PCDHGA7: variants seen among roughly 807,000 people sequenced by gnomAD.
PCDHGA7 encodes protocadherin gamma-A7.
In PCDHGA7, 44 loss-of-function variants were observed where a neutral mutation model predicts 58.3. The ratio of observed to expected loss-of-function variants is 0.75; its 90% CI spans 0.59 to 0.97. The LOEUF is 0.97. Ranked by LOEUF, PCDHGA7 falls within the 50% of genes least tolerant of loss-of-function variation. PCDHGA7 has a pLI of 0.00. For missense variants in PCDHGA7, 1,266 were observed against 1,188.7 expected, an observed-to-expected ratio of 1.06 and a Z score of -0.96; for synonymous variants, 516 against 504.2, an observed-to-expected ratio of 1.02 and a Z score of -0.31.
At chr5:141,459,137 G>C (rs1336232891) in intron 1 of PCDHGA7, among the ~76,000 whole-genome samples, 1 of 152,190 alleles carries the variant, frequency 6.6e-6, no homozygotes, top group Non-Finnish European at 1.5e-5. Context: ...TAACCACCAT[G>C]CAATCAAAAT....
intron 2 of PCDHGA7, among the ~76,000 whole-genome samples, chr5:141,503,100 G>A (rs563699751): frequency 6.6e-6 from 1 of 151,592 alleles, no homozygotes; most frequent in South Asian, 2.1e-4. Context: ...TGGTCTGCCC[G>A]CCCCTGCCTC....
intron 1 of PCDHGA7, chr5:141,393,073 C>A: frequency 1.2e-6 from 2 of 1,613,658 alleles, no homozygotes; most frequent in Non-Finnish European, 8.5e-7. Flanking sequence ...TTGATCACCG[C>A]GGGCAGGATA....
At chr5:141,453,351 C>A (rs1210851703) in intron 1 of PCDHGA7, among the ~76,000 whole-genome samples, 2 of 151,738 alleles carry the variant, frequency 1.3e-5, no homozygotes, top group Non-Finnish European at 2.9e-5. Flanking sequence ...CCAGGCTGAC[C>A]CTGAACTCCT....
At chr5:141,504,065 G>C (rs1291060280) in intron 2 of PCDHGA7, among the ~76,000 whole-genome samples, 2 of 152,060 alleles carry the variant, frequency 1.3e-5, no homozygotes, top group African/African-American at 2.4e-5. Context: ...AAACTTCTCT[G>C]AGCCAGATGG....
At position 141,414,787 on chromosome 5, in the gene PCDHGA7, G is replaced by C. The variant is rs372484037; in HGVS notation, c.2424+29464G>C. ...TCATGAGCTACAGATGCAGGTGACA[G>C]CCAGCGACAGCGGGGATCCTCCACT... On this transcript the variant is annotated intron_variant, in intron 1 of 3. Coordinates refer to ENST00000518325, the MANE Select transcript of PCDHGA7 (RefSeq NM_018920.4). 12 of 1,614,230 alleles carry C rather than the reference G, an allele frequency of 7.4e-6. No homozygotes were observed. The highest frequency in any genetic ancestry group is 2.2e-5 in the East Asian group (1 of 44,874).
intron 1 of PCDHGA7, chr5:141,399,174 T>G: frequency 1.2e-6 from 2 of 1,613,818 alleles, no homozygotes; most frequent in Non-Finnish European, 1.7e-6. Context: ...ATTCTCTACT[T>G]GAAATGATTC....
intron 1 of PCDHGA7, chr5:141,471,509 TA>T (rs1211467109): frequency 6.6e-6 from 1 of 152,008 alleles, no homozygotes; most frequent in Non-Finnish European, 1.5e-5. Context: ...AGAGAGGGAG[TA>T]AAAATAACAG....
At chr5:141,454,283 T>G (rs2098785864) in intron 1 of PCDHGA7, among the ~76,000 whole-genome samples, 1 of 152,134 alleles carries the variant, frequency 6.6e-6, no homozygotes, top group Non-Finnish European at 1.5e-5. Flanking sequence ...AACTTCACAT[T>G]AAAGGAACTC....
chr5:141,458,496 A>T (rs905073741), intron 1 of PCDHGA7, among the ~76,000 whole-genome samples: 1 of 151,694 alleles, frequency 6.6e-6, no homozygotes, highest in Non-Finnish European at 1.5e-5. Flanking sequence ...CTGCCTGTAC[A>T]TACTGTTTGA....
rs2099455203 is a variant in PCDHGA7 at position 141,478,427 on chromosome 5, C to T, written c.2425-16380C>T. The T allele has an allele frequency of 1.9e-6, 3 of 1,613,742 alleles. No individual in the cohort carries two copies. Among genetic ancestry groups the T allele is most frequent in the Non-Finnish European group, 2.5e-6 (3 of 1,180,014 alleles). On this transcript the variant is annotated intron_variant, in intron 1 of 3. Coordinates refer to ENST00000518325, the MANE Select transcript of PCDHGA7 (RefSeq NM_018920.4). ...CACCACGGACTCCCGCCGCAGCGAC[C>T]CGCTGCTGAAGAAACCTGGTGCAGC...
intron 2 of PCDHGA7, among the ~76,000 whole-genome samples, chr5:141,500,939 G>T (rs2099804123): frequency 6.6e-6 from 1 of 151,680 alleles, no homozygotes; most frequent in South Asian, 2.1e-4. Context: ...CGCCATCTCG[G>T]CTCACTGCAA....
Position 141,383,159 on chromosome 5 carries a change from C to A in PCDHGA7, c.260C>A (p.Ala87Glu), listed in dbSNP as rs769758778. 8 of 1,614,104 alleles carry A rather than the reference C, an allele frequency of 5.0e-6. No individual in the cohort carries two copies. The highest frequency in any genetic ancestry group is 5.9e-6 in the Non-Finnish European group (7 of 1,179,974). The change falls in exon 1 of 4, where the codon GCG (alanine) becomes GAG (glutamate). Residue 87 changes from alanine (A) to glutamate (E), a missense_variant. Coordinates refer to ENST00000518325, the MANE Select transcript of PCDHGA7 (RefSeq NM_018920.4). ...LNQRSGSLVT[A>E]GRIDREEICA... is the part of the protein sequence containing the mutation. ...CAGCGCAGCGGCAGCTTGGTCACTG[C>A]GGGCAGGATAGACCGGGAAGAGATC...
At position 141,487,681 on chromosome 5, in the gene PCDHGA7, T is replaced by C. The variant is rs754032560; in HGVS notation, c.2425-7126T>C. The stretch of plus-strand genomic sequence containing the variant: ...CTGATCCAGGCATATGGCTAGGCCA[T>C]GTCCTAGAGAGTACTGGCCTCTCAG... On this transcript the variant is annotated intron_variant, in intron 1 of 3. Coordinates refer to ENST00000518325, the MANE Select transcript of PCDHGA7 (RefSeq NM_018920.4). The surrounding 1 kb of genome is among the most constrained non-coding windows in gnomAD (Gnocchi z 5.0). 1.1e-5 allele frequency: 18 copies of C among 1,608,852 alleles called. No individual in the cohort carries two copies. The highest frequency in any genetic ancestry group is 4.5e-5 in the East Asian group (2 of 44,816).
chr5:141,459,406 A>C (rs2098967498), intron 1 of PCDHGA7, among the ~76,000 whole-genome samples: 1 of 152,218 alleles, frequency 6.6e-6, no homozygotes, highest in Admixed American at 6.5e-5. Flanking sequence ...GCAGTATTGC[A>C]TTGTGTGGAT....
intron 2 of PCDHGA7, among the ~76,000 whole-genome samples, chr5:141,497,781 C>T (rs2099779421): frequency 1.3e-5 from 2 of 152,192 alleles, no homozygotes; most frequent in African/African-American, 4.8e-5. Flanking sequence ...CTCAACTGAT[C>T]CACCTGCTTC....
chr5:141,408,717 T>C lies in PCDHGA7; in HGVS notation c.2424+23394T>C, dbSNP rs774691298. ...ATAAACTCAATTAAAGATTATAAGA[T>C]AAACTCTAATCCTTATTTTTCATTA... is the stretch of plus-strand genomic sequence containing the variant. On this transcript the variant is annotated intron_variant, in intron 1 of 3. Transcript: ENST00000518325. The C allele has an allele frequency of 1.9e-6, 3 of 1,611,662 alleles. No individual in the cohort carries two copies. In the South Asian group the frequency reaches 3.3e-5, roughly 18 times the overall value.
chr5:141,410,447 C>A, intron 1 of PCDHGA7: 1 of 1,613,984 alleles, frequency 6.2e-7, no homozygotes, highest in Non-Finnish European at 8.5e-7. Context: ...GGGGACTTTG[C>A]CTTATTCTTA....
intron 1 of PCDHGA7, chr5:141,417,577 C>A: frequency 2.3e-6 from 1 of 439,676 alleles, no homozygotes; most frequent in Non-Finnish European, 4.0e-6. Flanking sequence ...AAGTTGCAGT[C>A]CCACACAGAG....
At chr5:141,465,162 G>A (rs1464525964) in intron 1 of PCDHGA7, among the ~76,000 whole-genome samples, 1 of 151,654 alleles carries the variant, frequency 6.6e-6, no homozygotes, top group Non-Finnish European at 1.5e-5. Context: ...GACTCTAAAT[G>A]TTTATGAAGA....
Sources: allele counts gnomAD v4.1 joint callset (sites outside exome capture counted in the v4.1 genomes callset), GRCh38; gene constraint gnomAD v4.1.1; non-coding constraint Gnocchi (gnomAD v3.1); transcripts MANE v1.5; gene names NCBI Gene and HGNC (gene_info 2026-07-23, HGNC 2026-07-21).